Variants in PRKN observed in about 807,000 individuals in gnomAD.
The protein encoded by PRKN is E3 ubiquitin-protein ligase parkin.
PRKN carries 56 observed loss-of-function variants against 59.5 expected under a neutral mutation model. The ratio of observed to expected loss-of-function variants is 0.94; its 90% CI spans 0.76 to 1.18. The LOEUF is 1.18. Ranked by LOEUF, PRKN falls within the 50% of genes most tolerant of loss-of-function variation. The pLI is 0.00. For synonymous variants in PRKN, 250 were observed against 222.1 expected (o/e 1.13, Z -1.12); for missense variants, 657 against 596.4 (o/e 1.10, Z -1.06).
chr6:162,499,812 T>G (rs1793278041), intron 1 of PRKN, among the ~76,000 whole-genome samples: 2 of 152,164 alleles, frequency 1.3e-5, no homozygotes, highest in African/African-American at 4.8e-5. Flanking sequence ...AGACATTCTG[T>G]ATCTTAATTT....
chr6:161,853,091 T>A (rs1239797873), intron 6 of PRKN, among the ~76,000 whole-genome samples: 1 of 152,204 alleles, frequency 6.6e-6, no homozygotes, highest in Non-Finnish European at 1.5e-5. Context: ...AAAATCACTT[T>A]ATTATATTGC....
chr6:162,515,065 C>G (rs1471941931), intron 1 of PRKN, among the ~76,000 whole-genome samples: 1 of 150,222 alleles, frequency 6.7e-6, no homozygotes. Context: ...ATTTAGGAGG[C>G]CTTTGACAAC....
intron 6 of PRKN, among the ~76,000 whole-genome samples, chr6:161,901,811 C>T (rs1053608713): frequency 5.9e-5 from 9 of 152,110 alleles, no homozygotes; most frequent in South Asian, 2.1e-4. Context: ...GGCAAAAGGA[C>T]GGTGATTTTG....
intron 9 of PRKN, among the ~76,000 whole-genome samples, chr6:161,477,912 G>A (rs1181794108): frequency 2.6e-5 from 4 of 152,210 alleles, no homozygotes; most frequent in African/African-American, 9.6e-5. Context: ...AGTCTCCGAA[G>A]CAGGAAAGAG....
At chr6:162,171,590 T>G (rs183510759) in intron 4 of PRKN, among the ~76,000 whole-genome samples, 1,611 of 152,178 alleles carry the variant, frequency 0.011, 27 homozygotes, top group African/African-American at 0.037. Context: ...CAGTAAAAAA[T>G]CAGGGTCTTT....
intron 1 of PRKN, among the ~76,000 whole-genome samples, chr6:162,554,533 G>A (rs546866306): frequency 3.3e-5 from 5 of 151,904 alleles, no homozygotes; most frequent in East Asian, 1.9e-4. Flanking sequence ...AAAAGAAAAC[G>A]GACAGAATTT....
At chr6:162,579,199 T>C (rs1466548224) in intron 1 of PRKN, among the ~76,000 whole-genome samples, 1 of 152,200 alleles carries the variant, frequency 6.6e-6, no homozygotes, top group Non-Finnish European at 1.5e-5. Context: ...ATTGAATCTA[T>C]CTGTCACTTA....
intron 4 of PRKN, among the ~76,000 whole-genome samples, chr6:162,061,173 C>A (rs917866765): frequency 1.3e-5 from 2 of 152,178 alleles, no homozygotes; most frequent in Non-Finnish European, 2.9e-5. Flanking sequence ...CCATTCCAAA[C>A]TTAGTACTCT....
chr6:162,156,436 T>C (rs932920101), intron 4 of PRKN, among the ~76,000 whole-genome samples: 12 of 152,280 alleles, frequency 7.9e-5, no homozygotes, highest in South Asian at 4.1e-4. Flanking sequence ...AAGCTGACAG[T>C]GCAGCCTTCA....
chr6:161,433,079 T>A (rs1788724679), intron 9 of PRKN, among the ~76,000 whole-genome samples: 1 of 152,176 alleles, frequency 6.6e-6, no homozygotes, highest in Admixed American at 6.5e-5. Flanking sequence ...TAAAAATATG[T>A]TTTGATGATA....
chr6:161,469,419 T>C (rs532978400), intron 9 of PRKN, among the ~76,000 whole-genome samples: 1 of 152,266 alleles, frequency 6.6e-6, no homozygotes, highest in African/African-American at 2.4e-5. Flanking sequence ...CAGTTTCAGG[T>C]ATTTCTTCAT....
In PRKN at chr6:162,181,091, C is replaced by G. The variant is rs182491238; in HGVS notation, c.534+20040G>C. ...AGAAAGAACGTGAAACAGCCCATAA[C>G]AATACAAGCAAGTGAAGATATCTGT... On this transcript the variant is annotated intron_variant, in intron 4 of 11. Coordinates refer to ENST00000366898, the MANE Select transcript of PRKN (RefSeq NM_004562.3). 5.5e-3 allele frequency among the ~76,000 whole-genome samples: 831 copies of G among 152,290 alleles called. 3 individuals are homozygous for G. Among genetic ancestry groups the G allele is most frequent in the Non-Finnish European group, 9.2e-3 (624 of 68,020 alleles).
chr6:161,819,777 A>G lies in PRKN; in HGVS notation c.735-33869T>C, dbSNP rs570196013. On this transcript the variant is annotated intron_variant, in intron 6 of 11. Coordinates refer to ENST00000366898, the MANE Select transcript of PRKN (RefSeq NM_004562.3). ...ATTTTAAAGCGAATCTCAAAGAAAAAGTAGATAAATTTATTTTATCCACCA... is the reference window on the plus strand; with the variant it reads ...ATTTTAAAGCGAATCTCAAAGAAAAGGTAGATAAATTTATTTTATCCACCA... Among the ~76,000 whole-genome samples, 13 of 152,348 alleles carry G rather than the reference A, an allele frequency of 8.5e-5. 1 individual carries two copies. The East Asian group carries it at 2.5e-3, about 29-fold the overall frequency.
intron 1 of PRKN, among the ~76,000 whole-genome samples, chr6:162,587,153 T>C (rs1008096796): frequency 1.3e-5 from 2 of 152,194 alleles, no homozygotes; most frequent in Non-Finnish European, 2.9e-5. Context: ...TTTTGCTTTT[T>C]TGAGATGGAG....
At chr6:161,906,683 T>TATATATATATATATATATATATATAA (rs1778161093) in intron 6 of PRKN, among the ~76,000 whole-genome samples, 1 of 145,874 alleles carries the variant, frequency 6.9e-6, no homozygotes, top group Admixed American at 6.8e-5. Context: ...TATGTATATA[T>TATATATATATATATATATATATATAA]GAGTTTATTT....
chr6:162,653,871 C>A (rs1778540291), intron 1 of PRKN, among the ~76,000 whole-genome samples: 2 of 152,024 alleles, frequency 1.3e-5, no homozygotes, highest in South Asian at 2.1e-4. Context: ...TGAGCATGGC[C>A]CCTTTTTTAT....
intron 6 of PRKN, among the ~76,000 whole-genome samples, chr6:161,824,322 C>G (rs1583211038): frequency 6.6e-6 from 1 of 152,200 alleles, no homozygotes. Flanking sequence ...CGATTCTCAT[C>G]AACACCTTGT....
At position 161,391,217 on chromosome 6, in the gene PRKN, CTG is replaced by C. The variant is rs1786490520; in HGVS notation, c.1084-4342_1084-4341del. 6.6e-6 allele frequency among the ~76,000 whole-genome samples: 1 copy of C among 152,060 alleles called. No individual in the cohort carries two copies. The highest frequency in any genetic ancestry group is 1.5e-5 in the Non-Finnish European group (1 of 68,024). On this transcript the variant is annotated intron_variant, in intron 9 of 11. Coordinates refer to ENST00000366898, the MANE Select transcript of PRKN (RefSeq NM_004562.3). The surrounding 1 kb of genome is among the most constrained non-coding windows in gnomAD (Gnocchi z 4.9). ...CTTCTTTAACCAACCATGTAGAAGGCTGAAATTTACCCAGGGATTTGCTATTA... is the reference window on the plus strand; with the variant it reads ...CTTCTTTAACCAACCATGTAGAAGGCAAATTTACCCAGGGATTTGCTATTA...
At chr6:161,558,847 T>C (rs1468072312) in intron 8 of PRKN, among the ~76,000 whole-genome samples, 2 of 152,034 alleles carry the variant, frequency 1.3e-5, no homozygotes, top group Non-Finnish European at 1.5e-5. Flanking sequence ...AGAGCATCTG[T>C]GACAGCCTAA....
Sources: gnomAD v4.1 joint callset for allele counts (sites outside exome capture counted in the v4.1 genomes callset) on GRCh38, gnomAD v4.1.1 for gene constraint, Gnocchi (gnomAD v3.1) non-coding constraint, MANE v1.5 for transcripts, NCBI Gene and HGNC (gene_info 2026-07-23, HGNC 2026-07-21) for gene names.